The following CNNM4 variants were observed in gnomAD, a reference collection of about 807,000 sequenced individuals.
The protein encoded by CNNM4 is cyclin and CBS domain divalent metal cation transport mediator 4, also known as metal transporter CNNM4.
In CNNM4, 32 loss-of-function variants were observed where a neutral mutation model predicts 53.7. The ratio of observed to expected loss-of-function variants is 0.60; its 90% CI spans 0.45 to 0.80. CNNM4 has a LOEUF of 0.80. CNNM4 is among the 30% of genes least tolerant of loss of function. CNNM4 has a pLI of 0.00. For missense variants in CNNM4, 784 were observed against 1,022.0 expected (o/e 0.77, Z 3.17); for synonymous variants, 410 against 440.0 (o/e 0.93, Z 0.85).
intron 1 of CNNM4, among the ~76,000 whole-genome samples, chr2:96,780,969 A>ACT (rs2078970203): frequency 1.1e-5 from 1 of 89,608 alleles, no homozygotes; most frequent in African/African-American, 4.8e-5. Flanking sequence ...CTGATCTCGA[A>ACT]CTCTTTTTTT....
rs770328147 is a variant in CNNM4, at chr2:96,761,500, C to G, written c.501C>G (p.Asp167Glu). ...CCTGGCTGAAGTGGACGGACAAGGA[C>G]TCACTGCTCTTCATGGTGGAGGAGC... ...DGPWLKWTDK[D>E]SLLFMVEEPG... is the part of the protein sequence containing the mutation. Residue 167 changes from aspartate (D) to glutamate (E), a missense_variant, in exon 1 of 7, where the codon GAC (aspartate) becomes GAG (glutamate). Physicochemically the swap from Asp to Glu is conservative, Grantham distance 45. Around this residue, in one of 3 missense-constraint regions of CNNM4, gnomAD observed 473 missense variants for 624.6 expected, o/e 0.76. Coordinates refer to ENST00000377075, the MANE Select transcript of CNNM4 (RefSeq NM_020184.4). This position sits in a 1 kb window ranked among gnomAD's most constrained non-coding sequence, Gnocchi z 6.0. 1.2e-6 allele frequency: 2 copies of G among 1,614,108 alleles called. No individual in the cohort carries two copies. The highest frequency in any genetic ancestry group is 4.5e-5 in the East Asian group (2 of 44,860).
At position 96,809,539 on chromosome 2, in the gene CNNM4, G is replaced by T; in HGVS notation, c.*22G>T. ...CTGACAGGAGGGCCCGGGGCCCCCT[G>T]CCCACCCTGCGGGGGCCTCCCCAGT... On this transcript the variant is annotated 3_prime_UTR_variant, in exon 7 of 7. Coordinates refer to ENST00000377075, the MANE Select transcript of CNNM4 (RefSeq NM_020184.4). The T allele has an allele frequency of 6.2e-7, 1 of 1,612,104 alleles. No individual in the cohort carries two copies.
At chr2:96,783,305 C>T (rs2078990073) in intron 1 of CNNM4, among the ~76,000 whole-genome samples, 1 of 152,176 alleles carries the variant, frequency 6.6e-6, no homozygotes, top group African/African-American at 2.4e-5. Context: ...GCCAGAGGTG[C>T]TTCTGAGAAT....
chr2:96,801,803 T>G lies in CNNM4; in HGVS notation c.1948+2155T>G, dbSNP rs111207442. Among the ~76,000 whole-genome samples the G allele has an allele frequency of 0.096, 14,220 of 148,700 alleles. 2,217 individuals are homozygous for G. The highest frequency in any genetic ancestry group is 0.33 in the African/African-American group (13,372 of 40,420). On this transcript the variant is annotated intron_variant, in intron 5 of 6. Transcript: ENST00000377075. This position sits in a 1 kb window ranked among gnomAD's most constrained non-coding sequence, Gnocchi z 5.6. Reference sequence around the variant, plus strand: ...TACTACAGACACCCATAGACAGAGATATCACACACAGAAACACACATGCAG... The same window carrying G: ...TACTACAGACACCCATAGACAGAGAGATCACACACAGAAACACACATGCAG...
At chr2:96,768,182 A>G (rs1344589630) in intron 1 of CNNM4, among the ~76,000 whole-genome samples, 4 of 152,228 alleles carry the variant, frequency 2.6e-5, no homozygotes, top group Admixed American at 2.0e-4. Context: ...AAGTTGAGAA[A>G]AAACACTGCA....
chr2:96,790,382 T>G (rs999325398), intron 1 of CNNM4, among the ~76,000 whole-genome samples: 6 of 143,992 alleles, frequency 4.2e-5, no homozygotes, highest in African/African-American at 1.5e-4. Context: ...GAGACAGAGT[T>G]TAACTCTTGT....
intron 5 of CNNM4, among the ~76,000 whole-genome samples, chr2:96,804,226 ATT>A (rs772324853): frequency 1.0e-4 from 13 of 127,134 alleles, no homozygotes; most frequent in Admixed American, 1.6e-4. Flanking sequence ...CACGTCACTA[ATT>A]TTTTTTTTTT....
Position 96,762,388 on chromosome 2 carries a change from G to T in CNNM4, c.1389G>T (p.Glu463Asp). ...FHDTKLDAMLEEFKKGKSHLA... is the reference protein window; with the variant it reads ...FHDTKLDAMLDEFKKGKSHLA... The stretch of plus-strand genomic sequence containing the variant: ...ACACCAAGTTGGATGCCATGCTGGA[G>T]GAGTTCAAGAAGGGTAAGGCCAGAT... Residue 463 changes from glutamate to aspartate, a missense_variant, in exon 1 of 7, where the codon GAG (glutamate) becomes GAT (aspartate). Glu to Asp is a conservative substitution (Grantham distance 45). Coordinates refer to ENST00000377075, the MANE Select transcript of CNNM4 (RefSeq NM_020184.4). 1 of 1,614,144 alleles carries T rather than the reference G, an allele frequency of 6.2e-7. No homozygotes were observed. The highest frequency in any genetic ancestry group is 8.5e-7 in the Non-Finnish European group (1 of 1,180,026).
intron 1 of CNNM4, among the ~76,000 whole-genome samples, chr2:96,774,523 G>T (rs1277398068): frequency 6.6e-6 from 1 of 152,164 alleles, no homozygotes; most frequent in Non-Finnish European, 1.5e-5. Context: ...TCCTCCAAGT[G>T]CTGTAGATGG....
At chr2:96,806,535 A>ACACACACACGCACGCACG (rs374638753) in intron 5 of CNNM4, among the ~76,000 whole-genome samples, 1 of 123,944 alleles carries the variant, frequency 8.1e-6, no homozygotes, top group African/African-American at 2.9e-5. Flanking sequence ...ACACACACAC[A>ACACACACACGCACGCACG]CGCGCGCGCG....
In CNNM4 at chr2:96,801,548, C is replaced by G. The variant is rs896140295; in HGVS notation, c.1948+1900C>G. On this transcript the variant is annotated intron_variant, in intron 5 of 6. Coordinates refer to ENST00000377075, the MANE Select transcript of CNNM4 (RefSeq NM_020184.4). This position sits in a 1 kb window ranked among gnomAD's most constrained non-coding sequence, Gnocchi z 5.6. The stretch of plus-strand genomic sequence containing the variant: ...AGATAGCACACACACAGAGAGACCA[C>G]ACACACACAGAGACCACACACAGAG... 6.7e-6 allele frequency among the ~76,000 whole-genome samples: 1 copy of G among 148,930 alleles called. No individual in the cohort carries two copies. Among genetic ancestry groups the G allele is most frequent in the Non-Finnish European group, 1.5e-5 (1 of 66,970 alleles).
intron 5 of CNNM4, among the ~76,000 whole-genome samples, chr2:96,802,335 C>T (rs1255892787): frequency 1.3e-5 from 2 of 152,272 alleles, no homozygotes; most frequent in African/African-American, 2.4e-5. Flanking sequence ...TGCTGCCCTC[C>T]ACGGCCAAGA....
At chr2:96,781,899 G>T (rs1481872905) in intron 1 of CNNM4, among the ~76,000 whole-genome samples, 2 of 152,126 alleles carry the variant, frequency 1.3e-5, no homozygotes, top group African/African-American at 4.8e-5. Context: ...TCCTTTACCA[G>T]ATCAAGGAAA....
Position 96,761,962 on chromosome 2 carries a change from C to T in CNNM4, c.963C>T (p.Ser321=), listed in dbSNP as rs139582999. The change falls in exon 1 of 7, where the codon AGC becomes AGT. Residue 321 remains serine (S), a synonymous_variant. Coordinates refer to ENST00000377075, the MANE Select transcript of CNNM4 (RefSeq NM_020184.4). The surrounding 1 kb of genome is among the most constrained non-coding windows in gnomAD (Gnocchi z 6.0). ...CCTTCCCCCTCAGTTTTCCCATTAG[C>T]AAGCTCCTGGACTTTTTTCTGGGCC... ...LLTFPLSFPI[S]KLLDFFLGQE... is the part of the protein sequence containing the mutation. 1.3e-5 allele frequency: 21 copies of T among 1,614,196 alleles called. No homozygotes were observed. The African/African-American group carries it at 2.3e-4, about 17-fold the overall frequency.
intron 5 of CNNM4, among the ~76,000 whole-genome samples, chr2:96,806,535 A>ACGCGCGCGCGCGCG (rs1553479692): frequency 8.1e-6 from 1 of 123,944 alleles, no homozygotes; most frequent in Non-Finnish European, 1.8e-5. Flanking sequence ...ACACACACAC[A>ACGCGCGCGCGCGCG]CGCGCGCGCG....
At chr2:96,798,306 G>C (rs1558993888) in intron 3 of CNNM4, 1 of 165,670 alleles carries the variant, frequency 6.0e-6, no homozygotes, top group Non-Finnish European at 1.3e-5. Flanking sequence ...TTGTGGAATG[G>C]GAAGGAGAAG....
In CNNM4 at chr2:96,808,618, A is replaced by C; in HGVS notation, c.2006A>C (p.Asp669Ala). The C allele has an allele frequency of 6.2e-7, 1 of 1,614,080 alleles. No individual in the cohort carries two copies. The highest frequency in any genetic ancestry group is 8.5e-7 in the Non-Finnish European group (1 of 1,180,018). Residue 669 changes from aspartate to alanine, a missense_variant, in exon 6 of 7, where the codon GAC (aspartate) becomes GCC (alanine). Coordinates refer to ENST00000377075, the MANE Select transcript of CNNM4 (RefSeq NM_020184.4). The surrounding 1 kb of genome is among the most constrained non-coding windows in gnomAD (Gnocchi z 4.9). ...LSRSASLSYP[D>A]RTDVSTAATL... The stretch of plus-strand genomic sequence containing the variant: ...CGCTCAGCCTCCCTCAGTTACCCAG[A>C]CCGCACAGACGTCTCAACTGCAGCA...
intron 1 of CNNM4, among the ~76,000 whole-genome samples, chr2:96,777,667 A>G (rs1444017804): frequency 1.3e-5 from 2 of 151,982 alleles, no homozygotes; most frequent in Non-Finnish European, 2.9e-5. Flanking sequence ...CACCCGGCTA[A>G]TTTTTTATAT....
chr2:96,783,219 C>T (rs2078989436), intron 1 of CNNM4, among the ~76,000 whole-genome samples: 1 of 152,150 alleles, frequency 6.6e-6, no homozygotes. Flanking sequence ...TCCCTGCCAC[C>T]TCTGGTAGGG....
Sources: allele counts gnomAD v4.1 joint callset (sites outside exome capture counted in the v4.1 genomes callset), GRCh38; gene constraint gnomAD v4.1.1; regional missense constraint gnomAD v4.1.1; non-coding constraint Gnocchi (gnomAD v3.1); transcripts MANE v1.5; gene names NCBI Gene and HGNC (gene_info 2026-07-23, HGNC 2026-07-21).